The following DAP3 variants were observed in gnomAD, a reference collection of about 807,000 sequenced individuals.
The protein encoded by DAP3 is small ribosomal subunit protein mS29.
A neutral mutation model predicts 51.9 loss-of-function variants in DAP3; 28 were observed. That is an observed-to-expected ratio of 0.54 (90% CI 0.40 to 0.74). The LOEUF (loss-of-function observed/expected upper bound fraction) is 0.74. DAP3 is among the 30% of genes least tolerant of loss of function. The pLI, the probability that DAP3 is intolerant of heterozygous loss-of-function variation, is 0.00. For synonymous variants in DAP3, 170 were observed against 170.3 expected, an observed-to-expected ratio of 1.00 and a Z score of 0.01; for missense variants, 458 against 483.5, an observed-to-expected ratio of 0.95 and a Z score of 0.49.
intron 11 of DAP3, among the ~76,000 whole-genome samples, chr1:155,735,191 GA>G (rs1659642423): frequency 6.6e-6 from 1 of 152,118 alleles, no homozygotes. Context: ...TGAGGTGGGA[GA>G]ATCGCTTGAC....
chr1:155,688,489 C>A, upstream of DAP3: 1 of 1,549,364 alleles, frequency 6.5e-7, no homozygotes, highest in Non-Finnish European at 8.7e-7. Context: ...AGCCCGCACG[C>A]GTACGAGTGT....
intron 1 of DAP3, among the ~76,000 whole-genome samples, chr1:155,696,348 T>C (rs1359783197): frequency 3.3e-5 from 5 of 152,160 alleles, no homozygotes; most frequent in Admixed American, 3.3e-4. Context: ...TTTTATGGTG[T>C]AAGTTGCAAT....
At chr1:155,736,789 T>G (rs150041345) in intron 11 of DAP3, 157 bp from the exon 12 acceptor site, 34 of 682,918 alleles carry the variant, frequency 5.0e-5, no homozygotes, top group African/African-American at 4.1e-4. Flanking sequence ...GGAGTCCATA[T>G]GTGGAGTCCT....
chr1:155,702,419 G>C (rs1655422664), intron 1 of DAP3, among the ~76,000 whole-genome samples: 1 of 152,038 alleles, frequency 6.6e-6, no homozygotes, highest in Admixed American at 6.6e-5. Flanking sequence ...GTTGCCGTGA[G>C]CCAATGAGCT....
chr1:155,727,649 A>G lies in DAP3; in HGVS notation c.514A>G (p.Ser172Gly). The G allele has an allele frequency of 6.2e-7, 1 of 1,613,624 alleles. No individual in the cohort carries two copies. Among genetic ancestry groups the G allele is most frequent in the Non-Finnish European group, 8.5e-7 (1 of 1,179,822 alleles). The change falls in exon 7 of 13, where the codon AGC becomes GGC. Residue 172 changes from serine (S) to glycine (G), a missense_variant. By Grantham distance (56) the Ser-to-Gly change is moderately conservative. Coordinates refer to ENST00000368336, the MANE Select transcript of DAP3 (RefSeq NM_004632.4). ...AAATTGTCGGGATCTTCTGCAGTCC[A>G]GCTACAACAAACAGCGCTTTGATCA... ...VKNCRDLLQS[S>G]YNKQRFDQPL...
chr1:155,734,991 G>A (rs1211615372), intron 11 of DAP3, among the ~76,000 whole-genome samples: 2 of 152,004 alleles, frequency 1.3e-5, no homozygotes, highest in Non-Finnish European at 1.5e-5. Context: ...CAGGCTGGGC[G>A]TGGTGGCTCA....
At position 155,721,586 on chromosome 1, in the gene DAP3, C is replaced by T. The variant is rs751431768; in HGVS notation, c.238C>T (p.Pro80Ser). 27 of 1,613,934 alleles carry T rather than the reference C, an allele frequency of 1.7e-5. 1 individual carries two copies. Among genetic ancestry groups the T allele is most frequent in the Non-Finnish European group, 1.9e-5 (23 of 1,180,024 alleles). ...ISPQDLETVF[P>S]HGLPPRFVMQ... ...CCCCCAGGATTTGGAGACTGTATTT[C>T]CCCATGGCCTTCCTCCTCGCTTTGT... The change falls in exon 4 of 13, where the codon CCC (proline) becomes TCC (serine). Residue 80 changes from proline (P) to serine (S), a missense_variant. Physicochemically the swap from Pro to Ser is moderately conservative, Grantham distance 74 (BLOSUM62 -1). Transcript: ENST00000368336.
intron 3 of DAP3, among the ~76,000 whole-genome samples, chr1:155,718,744 A>G (rs1036335272): frequency 6.8e-6 from 1 of 147,108 alleles, no homozygotes; most frequent in African/African-American, 2.5e-5. Flanking sequence ...AGATAGATAG[A>G]TAGATATAGA....
intron 4 of DAP3, 143 bp downstream of exon 4, chr1:155,721,761 G>A (rs1226556568): frequency 2.8e-6 from 2 of 711,760 alleles, no homozygotes; most frequent in African/African-American, 3.5e-5. Context: ...TACCTTTTGT[G>A]ACTAGTACAA....
At chr1:155,722,029 T>C (rs1386834724) in intron 4 of DAP3, 1 of 222,430 alleles carries the variant, frequency 4.5e-6, no homozygotes, top group Non-Finnish European at 8.9e-6. Context: ...CAAACTTGCC[T>C]GTGCAGGTGA....
chr1:155,688,687 C>CGAGGT, upstream of DAP3: 1 of 1,529,598 alleles, frequency 6.5e-7, no homozygotes, highest in Non-Finnish European at 8.7e-7. Flanking sequence ...AAGCCTTCTC[C>CGAGGT]ACCTCCTCTT....
At chr1:155,701,270 G>T (rs1289370789) in intron 1 of DAP3, among the ~76,000 whole-genome samples, 2 of 81,646 alleles carry the variant, frequency 2.4e-5, no homozygotes, top group Non-Finnish European at 4.3e-5. Context: ...TGAGAAATCG[G>T]ATGGTTGCCG....
chr1:155,729,459 T>G (rs1658968677), intron 9 of DAP3, 93 bp downstream of exon 9: 7 of 1,467,312 alleles, frequency 4.8e-6, no homozygotes, highest in Admixed American at 2.2e-5. Context: ...ATGCAATATG[T>G]TTTCTTGCCC....
intron 1 of DAP3, among the ~76,000 whole-genome samples, chr1:155,705,979 GTATGAA>G (rs1655920469): frequency 6.6e-6 from 1 of 152,202 alleles, no homozygotes; most frequent in Admixed American, 6.5e-5. Flanking sequence ...AGGATCACAG[GTATGAA>G]CCACTGCACC....
At chr1:155,702,355 C>T (rs933280549) in intron 1 of DAP3, among the ~76,000 whole-genome samples, 4 of 152,134 alleles carry the variant, frequency 2.6e-5, no homozygotes, top group South Asian at 2.1e-4. Flanking sequence ...TGCCTGTAGT[C>T]CCAGCTACTC....
chr1:155,723,237 T>A (rs1294970713), intron 4 of DAP3, among the ~76,000 whole-genome samples: 2 of 152,134 alleles, frequency 1.3e-5, no homozygotes, highest in Non-Finnish European at 2.9e-5. Context: ...CACAGCACAC[T>A]CTACATCTCT....
intron 1 of DAP3, among the ~76,000 whole-genome samples, chr1:155,691,411 G>C (rs529182582): frequency 7.0e-6 from 1 of 142,310 alleles, no homozygotes; most frequent in Non-Finnish European, 1.5e-5. Context: ...TCATCCAGTT[G>C]TGTAATGCAT....
chr1:155,696,992 C>T (rs348197), intron 1 of DAP3, among the ~76,000 whole-genome samples: 9,633 of 152,210 alleles, frequency 0.063, 1,087 homozygotes, highest in African/African-American at 0.22. Flanking sequence ...TCTTGCAAGT[C>T]GGTCAGCATG....
chr1:155,710,879 A>G (rs1478801439), intron 2 of DAP3, among the ~76,000 whole-genome samples: 1 of 152,106 alleles, frequency 6.6e-6, no homozygotes, highest in Non-Finnish European at 1.5e-5. Context: ...AATCATGAAA[A>G]AATGACTATT....
Sources: gnomAD v4.1 joint callset for allele counts (sites outside exome capture counted in the v4.1 genomes callset) on GRCh38, gnomAD v4.1.1 for gene constraint, MANE v1.5 for transcripts, NCBI Gene and HGNC (gene_info 2026-07-23, HGNC 2026-07-21) for gene names.